CCAR1: variants seen among roughly 807,000 people sequenced by gnomAD.
The protein encoded by CCAR1 is cell division cycle and apoptosis regulator 1.
In CCAR1, 78 loss-of-function variants were observed where a neutral mutation model predicts 163.8. That is an observed-to-expected ratio of 0.48 (90% confidence interval 0.40 to 0.57). CCAR1 has a LOEUF of 0.57. Among genes scored for constraint, CCAR1 ranks in the 20% least tolerant of loss-of-function variants. The pLI is 0.00. For synonymous variants in CCAR1, 443 were observed against 460.7 expected, an observed-to-expected ratio of 0.96 and a Z score of 0.49; for missense variants, 1,019 against 1,365.2, an observed-to-expected ratio of 0.75 and a Z score of 4.00.
At chr10:68,769,591 G>A (rs1175679540) in intron 17 of CCAR1, among the ~76,000 whole-genome samples, 1 of 152,034 alleles carries the variant, frequency 6.6e-6, no homozygotes, top group East Asian at 1.9e-4. Context: ...TTGCACTCCA[G>A]CCTGAGCAAC....
intron 4 of CCAR1, among the ~76,000 whole-genome samples, chr10:68,740,337 ACTTTATAC>A (rs2056166733): frequency 6.6e-6 from 1 of 152,162 alleles, no homozygotes; most frequent in African/African-American, 2.4e-5. Context: ...GTTGTAGGAA[ACTTTATAC>A]CTAGTTATCT....
intron 14 of CCAR1, 145 bp from the exon 15 acceptor site, chr10:68,757,149 G>A (rs1391527017): frequency 5.6e-6 from 3 of 539,996 alleles, no homozygotes; most frequent in African/African-American, 1.9e-5. Flanking sequence ...ATGTATGTAC[G>A]TGGACTTGCC....
chr10:68,728,271 AT>A (rs1450109890), intron 2 of CCAR1, among the ~76,000 whole-genome samples: 3 of 151,574 alleles, frequency 2.0e-5, no homozygotes, highest in African/African-American at 7.3e-5. Flanking sequence ...CATTTCATAT[AT>A]TTTTTTAAAC....
chr10:68,722,652 T>G (rs2133288299), intron 2 of CCAR1, 75 bp downstream of exon 2: 8 of 1,174,032 alleles, frequency 6.8e-6, no homozygotes, highest in South Asian at 1.2e-5. Context: ...GGGCCGGGGG[T>G]GGTGGCTCAC....
intron 16 of CCAR1, among the ~76,000 whole-genome samples, chr10:68,765,151 T>C (rs568758584): frequency 2.9e-4 from 44 of 152,344 alleles, no homozygotes; most frequent in African/African-American, 1.0e-3. Context: ...CTGGGCGTTC[T>C]CCTATGTCTT....
chr10:68,749,398 C>A, intron 9 of CCAR1, 126 bp from the exon 10 acceptor site: 1 of 1,274,980 alleles, frequency 7.8e-7, no homozygotes, highest in Non-Finnish European at 1.1e-6. Flanking sequence ...TATTTTACTA[C>A]AATTTTTAAA....
At chr10:68,751,656 A>G (rs950748116) in intron 10 of CCAR1, among the ~76,000 whole-genome samples, 6 of 151,830 alleles carry the variant, frequency 4.0e-5, no homozygotes, top group African/African-American at 1.4e-4. Flanking sequence ...TGAGGTCAGG[A>G]GTTCAAGGCC....
intron 10 of CCAR1, among the ~76,000 whole-genome samples, chr10:68,752,276 C>G (rs1159295092): frequency 6.6e-6 from 1 of 152,018 alleles, no homozygotes; most frequent in Non-Finnish European, 1.5e-5. Context: ...GGATCTCTTG[C>G]AAGTAAAAAT....
intron 19 of CCAR1, among the ~76,000 whole-genome samples, chr10:68,779,276 G>A (rs1362939405): frequency 8.1e-6 from 1 of 123,164 alleles, no homozygotes; most frequent in African/African-American, 3.1e-5. Flanking sequence ...TTTTTTTTTT[G>A]AGACAGAGTT....
chr10:68,766,199 T>C, intron 17 of CCAR1, 120 bp downstream of exon 17: 1 of 696,440 alleles, frequency 1.4e-6, no homozygotes, highest in Non-Finnish European at 2.3e-6. Context: ...TTTTTTGTTT[T>C]GTTTTGTTTT....
At chr10:68,785,855 A>G (rs1348797445) in intron 19 of CCAR1, among the ~76,000 whole-genome samples, 2 of 152,194 alleles carry the variant, frequency 1.3e-5, no homozygotes, top group East Asian at 1.9e-4. Flanking sequence ...GAATAACACG[A>G]TAAGTGATTT....
chr10:68,746,066 G>A (rs540376733), intron 6 of CCAR1, among the ~76,000 whole-genome samples: 6 of 151,140 alleles, frequency 4.0e-5, no homozygotes, highest in South Asian at 2.1e-4. Flanking sequence ...TCTGCCTCCC[G>A]GGTTCAAGTG....
chr10:68,746,071 C>G (rs1231058199), intron 6 of CCAR1, among the ~76,000 whole-genome samples: 1 of 151,146 alleles, frequency 6.6e-6, no homozygotes, highest in Non-Finnish European at 1.5e-5. Flanking sequence ...CTCCCGGGTT[C>G]AAGTGATTCT....
rs373394256 is a variant in CCAR1, at chr10:68,774,785, T to G, written c.2650+1686T>G. Among the ~76,000 whole-genome samples, 16 of 152,280 alleles carry G rather than the reference T, an allele frequency of 1.1e-4. No individual in the cohort carries two copies. In the East Asian group the frequency reaches 2.5e-3, roughly 24 times the overall value. On this transcript the variant is annotated intron_variant, in intron 19 of 24. Transcript: ENST00000265872. ...GACTTTGTTAACCATGCGGTGACATTTAAAATACAGTAGATGCTCTGACCG... is the reference window on the plus strand; with the variant it reads ...GACTTTGTTAACCATGCGGTGACATGTAAAATACAGTAGATGCTCTGACCG...
At chr10:68,780,979 C>T (rs2056728185) in intron 19 of CCAR1, among the ~76,000 whole-genome samples, 2 of 152,158 alleles carry the variant, frequency 1.3e-5, no homozygotes, top group African/African-American at 2.4e-5. Context: ...CGCTTGTAAT[C>T]CCAGCACTTT....
At chr10:68,781,801 T>C (rs2056739492) in intron 19 of CCAR1, among the ~76,000 whole-genome samples, 8 of 151,060 alleles carry the variant, frequency 5.3e-5, no homozygotes, top group Admixed American at 5.3e-4. Context: ...CAGTGAGTCA[T>C]GATTGTGCCA....
At chr10:68,753,700 G>A (rs991152640) in intron 10 of CCAR1, 152 bp from the exon 11 acceptor site, 2 of 606,760 alleles carry the variant, frequency 3.3e-6, no homozygotes, top group Non-Finnish European at 5.9e-6. Flanking sequence ...ATTTTCATAT[G>A]TCTCTATGCA....
intron 10 of CCAR1, among the ~76,000 whole-genome samples, chr10:68,751,642 C>G (rs1202601160): frequency 6.6e-6 from 1 of 151,802 alleles, no homozygotes; most frequent in Admixed American, 6.6e-5. Context: ...GCGGACAGAT[C>G]ACTTGAGGTC....
chr10:68,732,336 TTTTGTTTGTTTG>T (rs57833784), intron 2 of CCAR1, among the ~76,000 whole-genome samples: 5 of 151,530 alleles, frequency 3.3e-5, no homozygotes, highest in South Asian at 2.1e-4. Flanking sequence ...ACCAGAACAG[TTTTGTTTGTTTG>T]TTTGTTTGTT....
Sources: allele counts gnomAD v4.1 joint callset (sites outside exome capture counted in the v4.1 genomes callset), GRCh38; gene constraint gnomAD v4.1.1; transcripts MANE v1.5; gene names NCBI Gene and HGNC (gene_info 2026-07-23, HGNC 2026-07-21).